KCTD13: variants seen among roughly 807,000 people sequenced by gnomAD.
The protein encoded by KCTD13 is BTB/POZ domain-containing adapter for CUL3-mediated RhoA degradation protein 1.
In KCTD13, 15 loss-of-function variants were observed where a neutral mutation model predicts 32.3. That is an observed-to-expected ratio of 0.46 (90% CI 0.31 to 0.71). The LOEUF is 0.71. Ranked by LOEUF, KCTD13 falls within the 30% of genes least tolerant of loss-of-function variation. KCTD13 has a pLI of 0.05. For missense variants in KCTD13, 337 were observed against 452.6 expected (o/e 0.74, Z 2.32); for synonymous variants, 189 against 200.1 (o/e 0.94, Z 0.47).
intron 4 of KCTD13, 70 bp from the exon 5 acceptor site, chr16:29,911,243 C>T (rs1166642313): frequency 8.2e-7 from 1 of 1,213,174 alleles, no homozygotes; most frequent in Non-Finnish European, 1.2e-6. Context: ...AGAAGACGGG[C>T]CTGGATGCAT....
At chr16:29,912,856 G>GT (rs2068741577) in intron 2 of KCTD13, among the ~76,000 whole-genome samples, 3 of 152,182 alleles carry the variant, frequency 2.0e-5, no homozygotes, top group Non-Finnish European at 4.4e-5. Flanking sequence ...CTGATGCTCT[G>GT]TATTTGTTGA....
Position 29,906,772 on chromosome 16 carries a change from C to A in KCTD13, c.*100G>T. On this transcript the variant is annotated 3_prime_UTR_variant, in exon 6 of 6. Transcript: ENST00000568000. ...CAATGAAGGGACAGAGGAGGACCCA[C>A]GACTTGGCCAGCAGAGCCGGGGCAA... 9.7e-7 allele frequency: 1 copy of A among 1,026,904 alleles called. No individual in the cohort carries two copies. The highest frequency in any genetic ancestry group is 1.5e-5 in the South Asian group (1 of 68,398). 63.6% of individuals were successfully genotyped at this position (1,026,904 alleles called of 1,614,324 possible). A position where few individuals can be genotyped will look rare whatever the true frequency, so the allele number is the denominator to read the frequency against.
At chr16:29,913,007 C>T (rs1360525764) in intron 2 of KCTD13, 1 of 152,162 alleles carries the variant, frequency 6.6e-6, no homozygotes, top group African/African-American at 2.4e-5. Flanking sequence ...CTTCTCCCAA[C>T]CTTGAAAACT....
chr16:29,925,460 T>C (rs2068978368), intron 1 of KCTD13: 3 of 380,376 alleles, frequency 7.9e-6, no homozygotes, highest in Admixed American at 8.3e-5. Flanking sequence ...GCAGGGCTAG[T>C]TCCCAAGTCT....
chr16:29,925,486 A>G, intron 1 of KCTD13: 1 of 426,476 alleles, frequency 2.3e-6, no homozygotes, highest in Non-Finnish European at 4.4e-6. Flanking sequence ...TGAGGGGTGA[A>G]GGGTGGGAGA....
chr16:29,917,648 G>A (rs1384188891), intron 2 of KCTD13, among the ~76,000 whole-genome samples: 1 of 152,072 alleles, frequency 6.6e-6, no homozygotes, highest in African/African-American at 2.4e-5. Flanking sequence ...GCATGGTGGT[G>A]CACGCCTGTA....
At position 29,911,997 on chromosome 16, in the gene KCTD13, G is replaced by A. The variant is rs1364272684; in HGVS notation, c.467C>T (p.Pro156Leu). Residue 156 changes from proline to leucine, a missense_variant, in exon 3 of 6, where the codon CCC (proline) becomes CTC (leucine). Physicochemically the swap from Pro to Leu is moderately conservative, Grantham distance 98 (BLOSUM62 -3). Coordinates refer to ENST00000568000, the MANE Select transcript of KCTD13 (RefSeq NM_178863.5). ...GGCCAGGAGCTGCTGCTCCTCCCGG[G>A]GAGATGTCACCATGGGGATGAGGCA... ...PLCLIPMVTS[P>L]REEQQLLAST... The A allele has an allele frequency of 6.2e-7, 1 of 1,611,822 alleles. No homozygotes were observed. Among genetic ancestry groups the A allele is most frequent in the Non-Finnish European group, 8.5e-7 (1 of 1,179,210 alleles).
rs141048674 is a variant in KCTD13 at position 29,912,035 on chromosome 16, C to T, written c.429G>A (p.Thr143=). Reference sequence around the variant, plus strand: ...TGGGGATGAGGCACAGCGGGGACAGCGTCTCCCTTTTTTGCTGGGGAAGAA... The same window carrying T: ...TGGGGATGAGGCACAGCGGGGACAGTGTCTCCCTTTTTTGCTGGGGAAGAA... ...CQLALQQKRE[T]LSPLCLIPMV... Residue 143 remains threonine (T), a synonymous_variant, in exon 3 of 6, where the codon ACG becomes ACA. Coordinates refer to ENST00000568000, the MANE Select transcript of KCTD13 (RefSeq NM_178863.5). The T allele has an allele frequency of 3.1e-6, 5 of 1,607,334 alleles. No homozygotes were observed. The highest frequency in any genetic ancestry group is 3.4e-5 in the Admixed American group (2 of 58,560).
chr16:29,912,956 C>T (rs574350089), intron 2 of KCTD13, among the ~76,000 whole-genome samples: 7 of 152,262 alleles, frequency 4.6e-5, no homozygotes, highest in African/African-American at 1.7e-4. Flanking sequence ...GGGCTTCTTT[C>T]TCTTCTGTCT....
rs1435307304 is a variant in KCTD13 at position 29,926,132 on chromosome 16, G to A, written c.-99C>T. 2.3e-6 allele frequency: 3 copies of A among 1,317,390 alleles called. No homozygotes were observed. Among genetic ancestry groups the A allele is most frequent in the East Asian group, 2.9e-5 (1 of 34,508 alleles). 81.6% of individuals were successfully genotyped at this position (1,317,390 alleles called of 1,614,324 possible). ...CGGCCCCCAGCCCTTGGGCCAGACC[G>A]CTCGGCGCACACGCCCACTCACCGC... is the stretch of plus-strand genomic sequence containing the variant. On this transcript the variant is annotated 5_prime_UTR_variant, in exon 1 of 6. Transcript: ENST00000568000.
In KCTD13 at chr16:29,907,123, C is replaced by A. The variant is rs2150831657; in HGVS notation, c.754-15G>T. 1 of 1,571,690 alleles carries A rather than the reference C, an allele frequency of 6.4e-7. No individual in the cohort carries two copies. Among genetic ancestry groups the A allele is most frequent in the East Asian group, 2.3e-5 (1 of 44,420 alleles). ...GGAAATTCCACCTGCAAAAGGCCAG[C>A]CGGCCCCAGCTCCTTCCTTCTGGTG... On this transcript the variant is annotated splice_polypyrimidine_tract_variant and intron_variant, in intron 5 of 5. Transcript: ENST00000568000.
chr16:29,913,389 A>G (rs1235939042), intron 2 of KCTD13: 2 of 152,218 alleles, frequency 1.3e-5, no homozygotes, highest in African/African-American at 4.8e-5. Flanking sequence ...TCAGAAACAG[A>G]CCACTGTGTA....
In KCTD13 at chr16:29,911,121, G is replaced by A. The variant is rs1231102773; in HGVS notation, c.610C>T (p.Leu204=). The A allele has an allele frequency of 1.9e-6, 3 of 1,614,172 alleles. No individual in the cohort carries two copies. In the Admixed American group the frequency reaches 5.0e-5, roughly 27 times the overall value. Residue 204 remains leucine, a synonymous_variant, in exon 5 of 6, where the codon CTG becomes TTG. Transcript: ENST00000568000. ...KNIELFDKLA[L]RFHGRLLFLK... is the part of the protein sequence containing the mutation. ...AAGAGTAGCCGCCCGTGGAAGCGCA[G>A]GGCCAGCTTGTCGAACAGCTCGATG... is the stretch of plus-strand genomic sequence containing the variant.
Position 29,925,849 on chromosome 16 carries a change from T to C in KCTD13, c.185A>G (p.Gln62Arg), listed in dbSNP as rs2068986761. 2 of 1,613,948 alleles carry C rather than the reference T, an allele frequency of 1.2e-6. No individual in the cohort carries two copies. Among genetic ancestry groups the C allele is most frequent in the Non-Finnish European group, 1.7e-6 (2 of 1,179,992 alleles). The stretch of plus-strand genomic sequence containing the variant: ...GAACATGGCTTTGAGCATGGTGTCC[T>C]GTCCCGTGAGGGTGCGCAGCGTGGT... The part of the protein sequence containing the change: ...HYTTLRTLTG[Q>R]DTMLKAMFSG... The change falls in exon 1 of 6, where the codon CAG becomes CGG. Residue 62 changes from glutamine (Q) to arginine (R), a missense_variant. Around this residue, in one of 3 missense-constraint regions of KCTD13, gnomAD observed 21 missense variants for 52.7 expected, o/e 0.40. Transcript: ENST00000568000.
intron 2 of KCTD13, chr16:29,922,716 TTA>T: frequency 3.1e-6 from 1 of 319,996 alleles, no homozygotes; most frequent in Non-Finnish European, 5.6e-6. Context: ...ATTTCACTGT[TTA>T]AAAAAAAAAA....
At chr16:29,922,653 C>T in intron 2 of KCTD13, 1 of 182,014 alleles carries the variant, frequency 5.5e-6, no homozygotes, top group Non-Finnish European at 1.1e-5. Context: ...GAATCCCCAA[C>T]CCTGTTTTAC....
rs748863085 is a variant in KCTD13, at chr16:29,907,084, A to G, written c.778T>C (p.Phe260Leu). The G allele has an allele frequency of 3.1e-6, 5 of 1,610,542 alleles. No individual in the cohort carries two copies. The South Asian group carries it at 5.5e-5, about 18-fold the overall frequency. ...ATGAGGATGTTCAGGGTCTCCTCGA[A>G]GATCCGGGCCTCTGGAAATTCCACC... is the stretch of plus-strand genomic sequence containing the variant. Reference protein sequence around the residue: ...TKVEFPEARIFEETLNILIYE... With the variant: ...TKVEFPEARILEETLNILIYE... Residue 260 changes from phenylalanine to leucine, a missense_variant, in exon 6 of 6, where the codon TTC (phenylalanine) becomes CTC (leucine). Physicochemically the swap from Phe to Leu is conservative, Grantham distance 22 (BLOSUM62 0). This residue lies in a region of KCTD13 where 252 missense variants were observed against 340.2 expected (regional missense o/e 0.74). Transcript: ENST00000568000.
At chr16:29,920,833 T>C (rs2068898260) in intron 2 of KCTD13, 1 of 152,196 alleles carries the variant, frequency 6.6e-6, no homozygotes, top group Admixed American at 6.5e-5. Flanking sequence ...AATTAGATGA[T>C]ATTTACTAAA....
intron 2 of KCTD13, 61 bp downstream of exon 2, chr16:29,923,129 C>T (rs1234956854): frequency 6.3e-7 from 1 of 1,579,008 alleles, no homozygotes; most frequent in Non-Finnish European, 8.6e-7. Flanking sequence ...TTTTTCTGCT[C>T]TAATACCTGC....
Sources: allele counts gnomAD v4.1 joint callset (sites outside exome capture counted in the v4.1 genomes callset), GRCh38; gene constraint gnomAD v4.1.1; regional missense constraint gnomAD v4.1.1; transcripts MANE v1.5; gene names NCBI Gene and HGNC (gene_info 2026-07-23, HGNC 2026-07-21).